The following NPHP4 variants were observed in gnomAD, a reference collection of about 807,000 sequenced individuals.
The protein encoded by NPHP4 is nephrocystin-4.
NPHP4 carries 151 observed loss-of-function variants against 155.8 expected under a neutral mutation model. The ratio of observed to expected loss-of-function variants is 0.97; its 90% CI spans 0.85 to 1.11. The LOEUF is 1.11. Ranked by LOEUF, NPHP4 falls within the 50% of genes least tolerant of loss-of-function variation. The probability of loss-of-function intolerance (pLI) is 0.00; values close to 1 mark genes in which losing one functional copy is unlikely to be tolerated. For missense variants in NPHP4, 1,956 were observed against 1,925.7 expected (o/e 1.02, Z -0.29); for synonymous variants, 845 against 816.8 (o/e 1.03, Z -0.59).
intron 12 of NPHP4, among the ~76,000 whole-genome samples, chr1:5,908,560 C>A (rs997675968): frequency 2.0e-5 from 3 of 152,168 alleles, no homozygotes; most frequent in African/African-American, 7.2e-5. Context: ...GACTCCAGAA[C>A]GGCAGCCAAG....
rs554883297 is a variant in NPHP4, at chr1:5,980,026, T to C, written c.136-1613A>G. Reference sequence around the variant, plus strand: ...CCAGGAGTCCCACCCTCTGCCATGGTCTCTCAGGGTCAGTGACCAGACACC... The same window carrying C: ...CCAGGAGTCCCACCCTCTGCCATGGCCTCTCAGGGTCAGTGACCAGACACC... On this transcript the variant is annotated intron_variant, in intron 2 of 29. Coordinates refer to ENST00000378156, the MANE Select transcript of NPHP4 (RefSeq NM_015102.5). Among the ~76,000 whole-genome samples the C allele has an allele frequency of 1.2e-4, 19 of 152,048 alleles. No individual in the cohort carries two copies. In the East Asian group the frequency reaches 3.5e-3, roughly 28 times the overall value.
intron 5 of NPHP4, 109 bp downstream of exon 5, chr1:5,967,190 G>A: frequency 1.2e-6 from 1 of 837,518 alleles, no homozygotes; most frequent in Non-Finnish European, 1.9e-6. Context: ...AATTAGCTAA[G>A]CAGATAGCAG....
Position 5,882,939 on chromosome 1 carries a change from G to C in NPHP4, c.2486-2700C>G, listed in dbSNP as rs1350799352. On this transcript the variant is annotated intron_variant, in intron 18 of 29. Coordinates refer to ENST00000378156, the MANE Select transcript of NPHP4 (RefSeq NM_015102.5). The surrounding 1 kb of genome is among the most constrained non-coding windows in gnomAD (Gnocchi z 5.1). ...TCCTCGTCCCTAAGAAAGGAACCCA[G>C]ATCAGCGCTCCTTCACACGAACAGA... 5 of 152,254 alleles carry C rather than the reference G, an allele frequency of 3.3e-5. No homozygotes were observed. The South Asian group carries it at 8.3e-4, about 25-fold the overall frequency. 9.4% of individuals were successfully genotyped at this position (152,254 alleles called of 1,614,324 possible). A position where few individuals can be genotyped will look rare whatever the true frequency, so the allele number is the denominator to read the frequency against.
chr1:5,912,589 C>T (rs556264398), intron 11 of NPHP4, among the ~76,000 whole-genome samples: 2 of 151,508 alleles, frequency 1.3e-5, no homozygotes, highest in East Asian at 3.9e-4. Flanking sequence ...AAGAAACCCA[C>T]AGTGTATACG....
At chr1:5,945,522 G>A (rs887091158) in intron 9 of NPHP4, among the ~76,000 whole-genome samples, 3 of 152,166 alleles carry the variant, frequency 2.0e-5, no homozygotes, top group Non-Finnish European at 4.4e-5. Context: ...AGGGACCGGA[G>A]GCATGGACAC....
At chr1:5,864,656 A>G in intron 27 of NPHP4, 139 bp from the exon 28 acceptor site, 1 of 698,760 alleles carries the variant, frequency 1.4e-6, no homozygotes, top group Non-Finnish European at 2.3e-6. Flanking sequence ...TGAGGCCACA[A>G]CCAACCCTGA....
chr1:5,886,398 G>A (rs1359311961), intron 18 of NPHP4: 2 of 152,238 alleles, frequency 1.3e-5, no homozygotes, highest in Non-Finnish European at 2.9e-5. Flanking sequence ...TGTGGCCCAT[G>A]GGGCTCTGGG....
chr1:5,899,853 G>T (rs182963039), intron 16 of NPHP4, among the ~76,000 whole-genome samples: 2 of 152,212 alleles, frequency 1.3e-5, no homozygotes, highest in African/African-American at 4.8e-5. Context: ...TGCAAAATAC[G>T]TATCTGATAA....
At chr1:5,963,689 CTTT>C (rs57131022) in intron 5 of NPHP4, among the ~76,000 whole-genome samples, 8 of 122,928 alleles carry the variant, frequency 6.5e-5, no homozygotes, top group Non-Finnish European at 1.0e-4. Context: ...CTTTTCTTTT[CTTT>C]TTTTTTTTTT....
intron 5 of NPHP4, among the ~76,000 whole-genome samples, chr1:5,964,937 A>ATTTTTTTTTTTTTTTTTTTTT (rs1400602210): frequency 3.6e-5 from 2 of 54,934 alleles, no homozygotes; most frequent in Non-Finnish European, 3.2e-5. Flanking sequence ...ATATATATAT[A>ATTTTTTTTTTTTTTTTTTTTT]TATATTTTTT....
chr1:5,905,899 C>T lies in NPHP4; in HGVS notation c.1612-116G>A. ...AATTGCCTCTGGAGGGTTGCCAGCT[C>T]TAGCAAATACAAAAGGTTCAATTAC... On this transcript the variant is annotated intron_variant, in intron 13 of 29. Coordinates refer to ENST00000378156, the MANE Select transcript of NPHP4 (RefSeq NM_015102.5). This position sits in a 1 kb window ranked among gnomAD's most constrained non-coding sequence, Gnocchi z 4.0. The T allele has an allele frequency of 1.1e-6, 1 of 902,706 alleles. No individual in the cohort carries two copies. The highest frequency in any genetic ancestry group is 1.8e-5 in the South Asian group (1 of 54,766). The allele number at this position is 902,706 out of a possible 1,614,324, so 55.9% of individuals were successfully genotyped here.
intron 18 of NPHP4, chr1:5,886,459 G>T: frequency 6.6e-6 from 1 of 152,358 alleles, no homozygotes; most frequent in Non-Finnish European, 1.5e-5. Context: ...TAATAAAATA[G>T]CAGACAAGTC....
chr1:5,864,934 T>G, intron 27 of NPHP4, 168 bp downstream of exon 27: 1 of 645,958 alleles, frequency 1.5e-6, no homozygotes, highest in African/African-American at 1.8e-5. Context: ...CAATGGCACA[T>G]CTAACGAAAG....
At chr1:5,865,735 G>A (rs907485484) in intron 26 of NPHP4, 3 of 166,702 alleles carry the variant, frequency 1.8e-5, no homozygotes, top group East Asian at 1.7e-4. Context: ...AGAGCCTGCT[G>A]CTTCACAGTC....
At chr1:5,865,410 G>A (rs1641112717) in intron 26 of NPHP4, 137 bp from the exon 27 acceptor site, 3 of 752,290 alleles carry the variant, frequency 4.0e-6, no homozygotes, top group Admixed American at 6.0e-5. Context: ...GGCCACAGGA[G>A]GCAGAGCTGG....
At chr1:5,913,645 C>T (rs908551467) in intron 11 of NPHP4, among the ~76,000 whole-genome samples, 7 of 152,236 alleles carry the variant, frequency 4.6e-5, no homozygotes, top group African/African-American at 1.7e-4. Flanking sequence ...TTCACACTGC[C>T]TCTGCACTCG....
intron 9 of NPHP4, among the ~76,000 whole-genome samples, chr1:5,935,144 A>G (rs1012022207): frequency 3.3e-5 from 5 of 152,262 alleles, no homozygotes; most frequent in Admixed American, 6.5e-5. Flanking sequence ...AGCCTCTTCC[A>G]GACTGTTCCT....
intron 1 of NPHP4, among the ~76,000 whole-genome samples, chr1:5,991,191 T>C (rs971282023): frequency 2.6e-5 from 4 of 152,102 alleles, no homozygotes; most frequent in African/African-American, 9.7e-5. Context: ...AAGCACTGCC[T>C]GGAATTCCCT....
intron 5 of NPHP4, among the ~76,000 whole-genome samples, chr1:5,963,974 C>T (rs1650864692): frequency 6.6e-6 from 1 of 152,226 alleles, no homozygotes; most frequent in African/African-American, 2.4e-5. Context: ...AGGCGTGAAC[C>T]ACCGCTCCTG....
Sources: gnomAD v4.1 joint callset for allele counts (sites outside exome capture counted in the v4.1 genomes callset) on GRCh38, gnomAD v4.1.1 for gene constraint, Gnocchi (gnomAD v3.1) non-coding constraint, MANE v1.5 for transcripts, NCBI Gene and HGNC (gene_info 2026-07-23, HGNC 2026-07-21) for gene names.